The following MYO15B variants were observed in gnomAD, a reference collection of about 807,000 sequenced individuals.
MYO15B encodes the protein myosin XVB pseudogene.
A neutral mutation model predicts 119.3 loss-of-function variants in MYO15B; 207 were observed. The observed-to-expected ratio is 1.73, with a 90% CI of 1.55 to 1.95. The LOEUF (loss-of-function observed/expected upper bound fraction) is 1.95, where lower values mean the gene tolerates loss of function less well. MYO15B is among the 30% of genes most tolerant of loss of function. The probability of loss-of-function intolerance (pLI) is 0.00; values close to 1 mark genes in which losing one functional copy is unlikely to be tolerated. For missense variants in MYO15B, 2,264 were observed against 1,203.1 expected (o/e 1.88, Z -13.04); for synonymous variants, 966 against 498.9 (o/e 1.94, Z -12.48).
At position 75,616,506 on chromosome 17, in the gene MYO15B, T is replaced by G. The variant is rs1369892042; in HGVS notation, c.6245-18T>G. ...TGGCTCTGCACGCGGTTAACAGTCTTTCCTGTTTCCTGGTCAGTGCCGTCC... is the reference window on the plus strand; with the variant it reads ...TGGCTCTGCACGCGGTTAACAGTCTGTCCTGTTTCCTGGTCAGTGCCGTCC... On this transcript the variant is annotated intron_variant, in intron 38 of 63. Transcript: ENST00000645453. 4 of 696,970 alleles carry G rather than the reference T, an allele frequency of 5.7e-6. No individual in the cohort carries two copies. The highest frequency in any genetic ancestry group is 1.0e-5 in the Non-Finnish European group (4 of 381,266). The allele number at this position is 696,970 out of a possible 1,614,324, so 43.2% of individuals were successfully genotyped here.
intron 9 of MYO15B, 36 bp from the exon 10 acceptor site, chr17:75,594,439 A>G: frequency 1.7e-6 from 1 of 589,102 alleles, no homozygotes; most frequent in Non-Finnish European, 3.0e-6. Context: ...TCCATTCCTG[A>G]AGCAGAGATC....
At chr17:75,600,876 G>A (rs1226837342) in intron 14 of MYO15B, among the ~76,000 whole-genome samples, 3 of 149,610 alleles carry the variant, frequency 2.0e-5, no homozygotes, top group African/African-American at 4.9e-5. Flanking sequence ...ATGAGCCACT[G>A]CGCCTAGCCC....
chr17:75,603,630 G>C (rs1421740620), intron 19 of MYO15B, among the ~76,000 whole-genome samples: 1 of 149,326 alleles, frequency 6.7e-6, no homozygotes, highest in Non-Finnish European at 1.5e-5. Flanking sequence ...ACGGTCTAGT[G>C]CCCACAGCAG....
In MYO15B at chr17:75,621,340, C is replaced by G. The variant is rs776715691; in HGVS notation, c.7872-5C>G. The G allele has an allele frequency of 1.1e-5, 8 of 697,524 alleles. No individual in the cohort carries two copies. The highest frequency in any genetic ancestry group is 7.0e-5 in the African/African-American group (4 of 57,168). 43.2% of individuals were successfully genotyped at this position (697,524 alleles called of 1,614,324 possible). A position where few individuals can be genotyped will look rare whatever the true frequency, so the allele number is the denominator to read the frequency against. ...AGCTGGGCTGTCTCCCTCTGCCCCC[C>G]ACAGGCTGGGCCAGACTGATGGAGG... On this transcript the variant is annotated splice_region_variant and splice_polypyrimidine_tract_variant and intron_variant, in intron 50 of 63. Transcript: ENST00000645453.
At position 75,620,358 on chromosome 17, in the gene MYO15B, G is replaced by C. The variant is rs1299358681; in HGVS notation, c.7555+1G>C. 2.8e-6 allele frequency: 2 copies of C among 702,826 alleles called. No homozygotes were observed. Among genetic ancestry groups the C allele is most frequent in the Non-Finnish European group, 5.2e-6 (2 of 385,010 alleles). 43.5% of individuals were successfully genotyped at this position (702,826 alleles called of 1,614,324 possible). A position where few individuals can be genotyped will look rare whatever the true frequency, so the allele number is the denominator to read the frequency against. ...CTGCCGGTGGCCACCCTGGAGCCAG[G>C]TATCGCCAGAGGCCGGCAGGGGCTC... On this transcript the variant is annotated splice_donor_variant, in intron 48 of 63. Coordinates refer to ENST00000645453, the Ensembl canonical transcript of MYO15B. LOFTEE classifies it high-confidence loss of function.
exon 26 of MYO15B, chr17:75,612,844 C>T (rs768948101): frequency 4.3e-6 from 3 of 702,798 alleles, no homozygotes; most frequent in South Asian, 3.0e-5. Flanking sequence ...AAGCCCCTAA[C>T]CCAGCTGGAT....
exon 48 of MYO15B, chr17:75,620,338 G>A (rs753263452): frequency 1.7e-5 from 12 of 702,948 alleles, no homozygotes; most frequent in South Asian, 3.0e-5. Context: ...AGCTGCTGCC[G>A]GTGGCCACCC....
intron 5 of MYO15B, 127 bp from the exon 6 acceptor site, chr17:75,591,850 T>C (rs2056478829): frequency 6.0e-6 from 4 of 668,442 alleles, no homozygotes; most frequent in African/African-American, 3.5e-5. Context: ...TGGCGTCTCC[T>C]GGGGTCAGCT....
chr17:75,622,215 G>A (rs1352787117), intron 53 of MYO15B, 135 bp downstream of exon 53: 1 of 629,202 alleles, frequency 1.6e-6, no homozygotes, highest in South Asian at 1.8e-5. Flanking sequence ...GTGCAGGGGG[G>A]TGTGGCTGTG....
At chr17:75,609,028 G>T (rs921600587) in intron 21 of MYO15B, among the ~76,000 whole-genome samples, 19 of 151,982 alleles carry the variant, frequency 1.3e-4, no homozygotes, top group Non-Finnish European at 2.4e-4. Context: ...CACCACGCCT[G>T]GCCTTTTTTG....
At chr17:75,625,802 C>T in intron 61 of MYO15B, 42 bp from the exon 62 acceptor site, 1 of 701,510 alleles carries the variant, frequency 1.4e-6, no homozygotes, top group Non-Finnish European at 2.6e-6. Context: ...GTTCCAGGGC[C>T]CCAGCAGTCA....
exon 1 of MYO15B, chr17:75,588,051 G>A: frequency 5.0e-6 from 2 of 398,520 alleles, no homozygotes; most frequent in Non-Finnish European, 8.9e-6. Context: ...TCTCCTTTGG[G>A]CCAGCCATGG....
chr17:75,626,754 G>A, exon 64 of MYO15B: 1 of 548,950 alleles, frequency 1.8e-6, no homozygotes, highest in Non-Finnish European at 3.3e-6. Context: ...TGAGGGAGAT[G>A]CCCACCCGAC....
At chr17:75,602,540 C>G (rs762227297) in exon 16 of MYO15B, 1 of 700,806 alleles carries the variant, frequency 1.4e-6, no homozygotes, top group Non-Finnish European at 2.6e-6. Flanking sequence ...TAAACAGAAA[C>G]CGGGATCAGC....
exon 1 of MYO15B, chr17:75,588,472 G>A (rs903605145): frequency 1.3e-5 from 5 of 398,342 alleles, no homozygotes; most frequent in African/African-American, 1.0e-4. Context: ...GGCTCGGCGG[G>A]GCCGCCGGAC....
intron 53 of MYO15B, among the ~76,000 whole-genome samples, chr17:75,622,448 G>A (rs1352927812): frequency 6.6e-6 from 1 of 152,158 alleles, no homozygotes; most frequent in East Asian, 1.9e-4. Context: ...ATCACGCACC[G>A]GGACCAGCGT....
chr17:75,605,203 C>T (rs183102976), intron 19 of MYO15B, among the ~76,000 whole-genome samples: 242 of 151,494 alleles, frequency 1.6e-3, no homozygotes, highest in African/African-American at 5.3e-3. Context: ...TTTGGGAGGC[C>T]GAGGCGGGCA....
At chr17:75,600,278 C>T (rs1016355993) in intron 14 of MYO15B, among the ~76,000 whole-genome samples, 3 of 151,996 alleles carry the variant, frequency 2.0e-5, no homozygotes, top group Admixed American at 6.6e-5. Context: ...CCACCTGCTT[C>T]GGCCTCCCAA....
At chr17:75,616,206 G>C (rs1222462771) in intron 37 of MYO15B, 59 bp downstream of exon 37, 19 of 575,926 alleles carry the variant, frequency 3.3e-5, no homozygotes, top group Non-Finnish European at 1.8e-5. Flanking sequence ...CCTGGCCCGG[G>C]CCAGGGAGGG....
Sources: gnomAD v4.1 joint callset for allele counts (sites outside exome capture counted in the v4.1 genomes callset) on GRCh38, gnomAD v4.1.1 for gene constraint, MANE v1.5 for transcripts, NCBI Gene and HGNC (gene_info 2026-07-23, HGNC 2026-07-21) for gene names.